The following HERC1 variants were observed in gnomAD, a reference collection of about 807,000 sequenced individuals.
HERC1 encodes the protein HECT and RLD domain containing E3 ubiquitin protein ligase family member 1.
In HERC1, 160 loss-of-function variants were observed where a neutral mutation model predicts 554.3. That is an observed-to-expected ratio of 0.29 (90% CI 0.25 to 0.33). The LOEUF is 0.33. HERC1 is among the 10% of genes least tolerant of loss of function. The pLI is 1.00. For synonymous variants in HERC1, 2,175 were observed against 2,131.7 expected, an observed-to-expected ratio of 1.02 and a Z score of -0.56; for missense variants, 4,919 against 5,918.5, an observed-to-expected ratio of 0.83 and a Z score of 5.54.
intron 33 of HERC1, among the ~76,000 whole-genome samples, chr15:63,687,495 G>A (rs1200494938): frequency 4.0e-5 from 6 of 151,154 alleles, no homozygotes; most frequent in African/African-American, 4.9e-5. Flanking sequence ...CAGAAATCGC[G>A]CCACTGCACT....
chr15:63,710,438 G>A (rs1337931355), intron 24 of HERC1, among the ~76,000 whole-genome samples: 1 of 152,182 alleles, frequency 6.6e-6, no homozygotes, highest in East Asian at 1.9e-4. Context: ...TGCCAAAATA[G>A]ATTAGACAGT....
rs182628640 is a variant in HERC1 at position 63,645,054 on chromosome 15, C to A, written c.11122G>T (p.Asp3708Tyr). 1 of 1,613,672 alleles carries A rather than the reference C, an allele frequency of 6.2e-7. No homozygotes were observed. Among genetic ancestry groups the A allele is most frequent in the African/African-American group, 1.3e-5 (1 of 74,880 alleles). Residue 3708 changes from aspartate (D) to tyrosine (Y), a missense_variant, in exon 57 of 78, where the codon GAT (aspartate) becomes TAT (tyrosine). Physicochemically the swap from Asp to Tyr is radical, Grantham distance 160. Coordinates refer to ENST00000443617, the MANE Select transcript of HERC1 (RefSeq NM_003922.4). The part of the protein sequence containing the change: ...GLVCVWRIPQ[D>Y]TTQTNVTSAE... The stretch of plus-strand genomic sequence containing the variant: ...CTAGTCACATTGGTCTGTGTAGTAT[C>A]TTGAGGAATGCGCCAAACACATACT...
intron 24 of HERC1, among the ~76,000 whole-genome samples, chr15:63,707,423 C>T (rs1387158399): frequency 6.6e-6 from 1 of 152,186 alleles, no homozygotes; most frequent in Non-Finnish European, 1.5e-5. Context: ...GCAGTGAAGG[C>T]TTACAAGAAG....
intron 1 of HERC1, among the ~76,000 whole-genome samples, chr15:63,811,432 T>A (rs572198393): frequency 6.6e-6 from 1 of 152,310 alleles, no homozygotes; most frequent in African/African-American, 2.4e-5. Context: ...ATTTTTTCTA[T>A]AAATCTGAGA....
chr15:63,766,741 G>C (rs149749785), intron 2 of HERC1, among the ~76,000 whole-genome samples: 2,284 of 150,444 alleles, frequency 0.015, 50 homozygotes, highest in African/African-American at 0.053. Context: ...GCAATGGCAC[G>C]ATCTCGGCTC....
At chr15:63,747,289 G>A (rs781090841) in intron 11 of HERC1, among the ~76,000 whole-genome samples, 23 of 151,954 alleles carry the variant, frequency 1.5e-4, no homozygotes, top group African/African-American at 1.7e-4. Context: ...GCAAAACCCC[G>A]CCTCTACTAA....
intron 8 of HERC1, among the ~76,000 whole-genome samples, chr15:63,750,931 T>C (rs78686299): frequency 0.012 from 1,841 of 152,294 alleles, 36 homozygotes; most frequent in African/African-American, 0.043. Flanking sequence ...AGTGAGACCC[T>C]GAGTTCAAAA....
chr15:63,648,001 G>T, intron 55 of HERC1, 68 bp downstream of exon 55: 1 of 1,249,582 alleles, frequency 8.0e-7, no homozygotes, highest in Non-Finnish European at 1.1e-6. Flanking sequence ...TCTCCACTGT[G>T]TAATCTATGC....
intron 12 of HERC1, among the ~76,000 whole-genome samples, chr15:63,745,226 C>CG (rs2075012507): frequency 6.6e-6 from 1 of 152,082 alleles, no homozygotes; most frequent in Admixed American, 6.5e-5. Flanking sequence ...GTCGGGGAGG[C>CG]GGGGGGTGAG....
chr15:63,723,010 T>A (rs1191841735), intron 19 of HERC1, among the ~76,000 whole-genome samples, 172 bp downstream of exon 19: 2 of 152,142 alleles, frequency 1.3e-5, no homozygotes, highest in East Asian at 3.8e-4. Flanking sequence ...AAAAAATAGT[T>A]ACACTATTTT....
chr15:63,823,023 T>C (rs1000974183), intron 1 of HERC1, among the ~76,000 whole-genome samples: 37 of 152,182 alleles, frequency 2.4e-4, no homozygotes, highest in African/African-American at 8.9e-4. Context: ...AAATTTAGTT[T>C]GAGATGTCTA....
chr15:63,635,034 T>C, intron 65 of HERC1, 146 bp from the exon 66 acceptor site: 1 of 391,818 alleles, frequency 2.6e-6, no homozygotes, highest in East Asian at 4.8e-5. Flanking sequence ...CTTTTAAAAA[T>C]TTTTTTTTTT....
chr15:63,831,275 T>C (rs1011253443), intron 1 of HERC1, among the ~76,000 whole-genome samples: 4 of 152,040 alleles, frequency 2.6e-5, no homozygotes, highest in African/African-American at 7.2e-5. Context: ...TCCAGCAAAT[T>C]TTTGTATTTA....
At chr15:63,629,742 T>C (rs186619441) in intron 69 of HERC1, among the ~76,000 whole-genome samples, 24 of 152,322 alleles carry the variant, frequency 1.6e-4, no homozygotes, top group Admixed American at 1.6e-3. Flanking sequence ...AAACTGAGGC[T>C]AATATGAATA....
chr15:63,775,687 GAGGAC>G lies in HERC1; in HGVS notation c.-26-43_-26-39del. The stretch of plus-strand genomic sequence containing the variant: ...AAGAGAAAACAGTCAAAAACATACA[GAGGAC>G]TCATAAAATGTTTCCAAAATTTCAT... On this transcript the variant is annotated intron_variant, in intron 1 of 77. Coordinates refer to ENST00000443617, the MANE Select transcript of HERC1 (RefSeq NM_003922.4). The surrounding 1 kb of genome is among the most constrained non-coding windows in gnomAD (Gnocchi z 4.0). The G allele has an allele frequency of 3.1e-6, 4 of 1,288,536 alleles. No individual in the cohort carries two copies. Among genetic ancestry groups the G allele is most frequent in the Non-Finnish European group, 4.3e-6 (4 of 925,438 alleles). 79.8% of individuals were successfully genotyped at this position (1,288,536 alleles called of 1,614,324 possible).
At chr15:63,759,473 A>G (rs966971349) in intron 3 of HERC1, among the ~76,000 whole-genome samples, 10 of 149,158 alleles carry the variant, frequency 6.7e-5, no homozygotes, top group Admixed American at 3.9e-4. Flanking sequence ...CATACTCATA[A>G]TAAGTATCAT....
chr15:63,674,950 C>G lies in HERC1; in HGVS notation c.7238G>C (p.Arg2413Pro). ...HEDMGKQSTKRHEKKHRHESE... is the reference protein window; with the variant it reads ...HEDMGKQSTKPHEKKHRHESE... Reference sequence around the variant, plus strand: ...TTCATGTCGGTGTTTCTTTTCATGTCGTTTGGTGCTCTGTTTGCCCATGTC... The same window carrying G: ...TTCATGTCGGTGTTTCTTTTCATGTGGTTTGGTGCTCTGTTTGCCCATGTC... The change falls in exon 38 of 78, where the codon CGA (arginine) becomes CCA (proline). Residue 2413 changes from arginine (R) to proline (P), a missense_variant. This residue lies in a region of HERC1 where 1,963 missense variants were observed against 2,228.6 expected (regional missense o/e 0.88). Coordinates refer to ENST00000443617, the MANE Select transcript of HERC1 (RefSeq NM_003922.4). The G allele has an allele frequency of 6.2e-7, 1 of 1,613,982 alleles. No individual in the cohort carries two copies. Among genetic ancestry groups the G allele is most frequent in the Middle Eastern group, 1.6e-4 (1 of 6,062 alleles).
intron 1 of HERC1, among the ~76,000 whole-genome samples, chr15:63,814,509 G>C (rs1469012577): frequency 1.3e-5 from 2 of 152,156 alleles, no homozygotes; most frequent in African/African-American, 2.4e-5. Flanking sequence ...GCCCATGCTG[G>C]AGTGCAGTGA....
At chr15:63,744,968 A>G (rs1431665857) in intron 12 of HERC1, among the ~76,000 whole-genome samples, 1 of 152,066 alleles carries the variant, frequency 6.6e-6, no homozygotes, top group Non-Finnish European at 1.5e-5. Context: ...TTAGCAGGTG[A>G]TGAATGCTGC....
Sources: gnomAD v4.1 joint callset for allele counts (sites outside exome capture counted in the v4.1 genomes callset) on GRCh38, gnomAD v4.1.1 for gene constraint, gnomAD v4.1.1 regional missense constraint, Gnocchi (gnomAD v3.1) non-coding constraint, MANE v1.5 for transcripts, NCBI Gene and HGNC (gene_info 2026-07-23, HGNC 2026-07-21) for gene names.